GULP1: variants seen among roughly 807,000 people sequenced by gnomAD.
GULP1 encodes the protein GULP PTB domain containing engulfment adaptor 1.
GULP1 carries 19 observed loss-of-function variants against 40.9 expected under a neutral mutation model. That is an observed-to-expected ratio of 0.46 (90% confidence interval 0.32 to 0.68). GULP1 has a LOEUF of 0.68. Among genes scored for constraint, GULP1 ranks in the 30% least tolerant of loss-of-function variants. GULP1 has a pLI of 0.03. For missense variants in GULP1, 312 were observed against 362.2 expected, an observed-to-expected ratio of 0.86 and a Z score of 1.12; for synonymous variants, 119 against 117.6, an observed-to-expected ratio of 1.01 and a Z score of -0.08.
rs182814923 is a variant in GULP1, at chr2:188,411,416, A to G, written c.-45+27527A>G. ...GGTCAGACTTGATGAGTGGAAGTCC[A>G]TGTTGCTGAGCCCATGCCTAACCTC... On this transcript the variant is annotated intron_variant, in intron 2 of 11. Coordinates refer to ENST00000409830, the MANE Select transcript of GULP1 (RefSeq NM_016315.4). 2.3e-3 allele frequency among the ~76,000 whole-genome samples: 352 copies of G among 152,210 alleles called. 1 individual carries two copies. The highest frequency in any genetic ancestry group is 7.9e-3 in the African/African-American group (329 of 41,546).
chr2:188,326,261 T>C (rs1354718837), intron 1 of GULP1, among the ~76,000 whole-genome samples: 2 of 152,022 alleles, frequency 1.3e-5, no homozygotes, highest in African/African-American at 4.8e-5. Flanking sequence ...GCTTTAAGAG[T>C]TTAATGATAA....
chr2:188,316,859 C>T (rs4992743), intron 1 of GULP1, among the ~76,000 whole-genome samples: 22,886 of 152,044 alleles, frequency 0.15, 1,866 homozygotes, highest in Middle Eastern at 0.17. Context: ...TATAACAGTG[C>T]CAGGCATGAT....
At chr2:188,364,962 A>G (rs1308240759) in intron 1 of GULP1, among the ~76,000 whole-genome samples, 1 of 151,676 alleles carries the variant, frequency 6.6e-6, no homozygotes, top group Non-Finnish European at 1.5e-5. Flanking sequence ...ACTTGGGTCA[A>G]TTCATTTTCA....
At position 188,370,627 on chromosome 2, in the gene GULP1, G is replaced by A. The variant is rs372686317; in HGVS notation, c.-171-13136G>A. ...ATTAAACTTACTTGATAATGTTGACGTCTGTAAGTATTTGAGGCTATTTCA... is the reference window on the plus strand; with the variant it reads ...ATTAAACTTACTTGATAATGTTGACATCTGTAAGTATTTGAGGCTATTTCA... On this transcript the variant is annotated intron_variant, in intron 1 of 11. Transcript: ENST00000409830. 3.5e-4 allele frequency among the ~76,000 whole-genome samples: 53 copies of A among 152,204 alleles called. 1 individual carries two copies. The highest frequency in any genetic ancestry group is 8.7e-4 in the African/African-American group (36 of 41,514).
intron 2 of GULP1, among the ~76,000 whole-genome samples, chr2:188,446,180 C>G (rs2058368909): frequency 6.6e-6 from 1 of 152,100 alleles, no homozygotes; most frequent in African/African-American, 2.4e-5. Flanking sequence ...AGATATTCTT[C>G]TACCTGCATT....
At chr2:188,428,886 T>G (rs925136154) in intron 2 of GULP1, among the ~76,000 whole-genome samples, 68 of 145,974 alleles carry the variant, frequency 4.7e-4, no homozygotes, top group Non-Finnish European at 9.1e-4. Flanking sequence ...AAAAAGTGTG[T>G]TTTTTTTTTA....
intron 1 of GULP1, among the ~76,000 whole-genome samples, chr2:188,308,160 A>C (rs531165950): frequency 8.6e-6 from 1 of 115,734 alleles, no homozygotes; most frequent in Non-Finnish European, 1.9e-5. Context: ...ACATGTGTTC[A>C]GACTCAACTA....
chr2:188,340,833 G>A (rs1217995043), intron 1 of GULP1, among the ~76,000 whole-genome samples: 1 of 152,064 alleles, frequency 6.6e-6, no homozygotes, highest in Non-Finnish European at 1.5e-5. Flanking sequence ...GAAAGGGGAG[G>A]GAGCGGGAAA....
At chr2:188,559,752 G>C (rs1382522964) in intron 7 of GULP1, among the ~76,000 whole-genome samples, 1 of 152,148 alleles carries the variant, frequency 6.6e-6, no homozygotes, top group Non-Finnish European at 1.5e-5. Context: ...TTGGCTCTGT[G>C]TCCCCACCCA....
At chr2:188,343,400 A>G (rs2043216852) in intron 1 of GULP1, among the ~76,000 whole-genome samples, 1 of 152,198 alleles carries the variant, frequency 6.6e-6, no homozygotes. Context: ...GTGTAGTGGC[A>G]CATTAGGGAG....
intron 9 of GULP1, among the ~76,000 whole-genome samples, chr2:188,580,738 T>C (rs1701143009): frequency 6.6e-6 from 1 of 152,180 alleles, no homozygotes; most frequent in Non-Finnish European, 1.5e-5. Flanking sequence ...CAGAAATATG[T>C]GAAGGGGGGC....
chr2:188,359,927 G>A (rs191332359), intron 1 of GULP1, among the ~76,000 whole-genome samples: 13 of 152,244 alleles, frequency 8.5e-5, no homozygotes, highest in African/African-American at 3.1e-4. Flanking sequence ...GAATCAGTGA[G>A]TAAATGAACC....
rs545607112 is a variant in GULP1 at position 188,368,580 on chromosome 2, A to AAAAT, written c.-171-15168_-171-15165dup. 1.5e-3 allele frequency among the ~76,000 whole-genome samples: 221 copies of AAAAT among 151,914 alleles called. 2 individuals carry two copies. The highest frequency in any genetic ancestry group is 5.0e-3 in the African/African-American group (207 of 41,502). ...TGGGTAACAGAGCGAGACTCCATCT[A>AAAAT]AAATAAATAAATAAATAAGTAAATA... On this transcript the variant is annotated intron_variant, in intron 1 of 11. Transcript: ENST00000409830.
intron 2 of GULP1, among the ~76,000 whole-genome samples, chr2:188,438,362 G>GATATATATCTAT (rs1244268408): frequency 6.6e-6 from 1 of 151,028 alleles, no homozygotes; most frequent in African/African-American, 2.4e-5. Flanking sequence ...TATAGATATA[G>GATATATATCTAT]ATATATCACA....
Position 188,381,367 on chromosome 2 carries a change from C to T in GULP1, c.-171-2396C>T, listed in dbSNP as rs141618945. 8.0e-4 allele frequency among the ~76,000 whole-genome samples: 122 copies of T among 152,022 alleles called. No individual in the cohort carries two copies. In the East Asian group the frequency reaches 0.023, roughly 28 times the overall value. On this transcript the variant is annotated intron_variant, in intron 1 of 11. Coordinates refer to ENST00000409830, the MANE Select transcript of GULP1 (RefSeq NM_016315.4). The stretch of plus-strand genomic sequence containing the variant: ...TATTTCCTGCAGTATGACTGGGTTT[C>T]AGTCAACGTAAGATAAAAATAAAGG...
intron 2 of GULP1, among the ~76,000 whole-genome samples, chr2:188,467,706 T>A (rs2060242312): frequency 6.6e-6 from 1 of 152,142 alleles, no homozygotes; most frequent in East Asian, 1.9e-4. Flanking sequence ...TTTTCCTCAT[T>A]TACAAATATC....
At chr2:188,502,058 G>T (rs2063484957) in intron 4 of GULP1, among the ~76,000 whole-genome samples, 1 of 151,752 alleles carries the variant, frequency 6.6e-6, no homozygotes, top group South Asian at 2.1e-4. Context: ...TTAATGATTT[G>T]TACTGACTTC....
In GULP1 at chr2:188,383,851, A is replaced by G. The variant is rs1446100960; in HGVS notation, c.-83A>G. 1 of 152,212 alleles carries G rather than the reference A, an allele frequency of 6.6e-6. No individual in the cohort carries two copies. Among genetic ancestry groups the G allele is most frequent in the East Asian group, 1.9e-4 (1 of 5,202 alleles). The allele number at this position is 152,212 out of a possible 1,614,324, so 9.4% of individuals were successfully genotyped here. A position where few individuals can be genotyped will look rare whatever the true frequency, so the allele number is the denominator to read the frequency against. The stretch of plus-strand genomic sequence containing the variant: ...GTATGATAGAAGCTATATAAAGTCA[A>G]GTGTCCATTTTCTTTCAACTATATT... On this transcript the variant is annotated 5_prime_UTR_variant, in exon 2 of 12. Coordinates refer to ENST00000409830, the MANE Select transcript of GULP1 (RefSeq NM_016315.4).
At chr2:188,439,773 C>T (rs2057754542) in intron 2 of GULP1, among the ~76,000 whole-genome samples, 1 of 151,838 alleles carries the variant, frequency 6.6e-6, no homozygotes, top group Admixed American at 6.6e-5. Flanking sequence ...TCAAAATTTG[C>T]AATATGCTTT....
Sources: gnomAD v4.1 joint callset for allele counts (sites outside exome capture counted in the v4.1 genomes callset) on GRCh38, gnomAD v4.1.1 for gene constraint, MANE v1.5 for transcripts, NCBI Gene and HGNC (gene_info 2026-07-23, HGNC 2026-07-21) for gene names.